PLD5: variants seen among roughly 807,000 people sequenced by gnomAD.
PLD5 encodes phospholipase D family member 5.
A neutral mutation model predicts 61.1 loss-of-function variants in PLD5; 36 were observed. The observed-to-expected ratio is 0.59, with a 90% CI of 0.45 to 0.78. The LOEUF (loss-of-function observed/expected upper bound fraction) is 0.78. PLD5 is among the 30% of genes least tolerant of loss of function. The pLI is 0.00. For synonymous variants in PLD5, 243 were observed against 242.8 expected, an observed-to-expected ratio of 1.00 and a Z score of -0.01; for missense variants, 515 against 644.4, an observed-to-expected ratio of 0.80 and a Z score of 2.17.
At chr1:242,181,337 A>C (rs1667503492) in intron 5 of PLD5, among the ~76,000 whole-genome samples, 1 of 152,196 alleles carries the variant, frequency 6.6e-6, no homozygotes, top group East Asian at 1.9e-4. Context: ...GAACACTTAA[A>C]ATGTGGCTAG....
chr1:242,516,275 T>C (rs1048637029), intron 1 of PLD5, among the ~76,000 whole-genome samples: 3 of 66,594 alleles, frequency 4.5e-5, no homozygotes, highest in South Asian at 7.6e-4. Flanking sequence ...TATATATATA[T>C]ATATACATAT....
intron 1 of PLD5, among the ~76,000 whole-genome samples, chr1:242,441,845 T>C (rs1056661940): frequency 2.8e-4 from 42 of 152,182 alleles, no homozygotes; most frequent in African/African-American, 7.7e-4. Context: ...TATATCTCAA[T>C]GTGGAAGACC....
intron 1 of PLD5, among the ~76,000 whole-genome samples, chr1:242,379,766 G>A (rs1180640696): frequency 2.0e-5 from 3 of 152,018 alleles, no homozygotes; most frequent in African/African-American, 4.8e-5. Flanking sequence ...GAGAGTATAC[G>A]TCCCAATCCA....
At chr1:242,404,874 A>ACTTTTTTTTTTTTTTT (rs1664138985) in intron 1 of PLD5, among the ~76,000 whole-genome samples, 1 of 70,032 alleles carries the variant, frequency 1.4e-5, no homozygotes, top group Admixed American at 1.6e-4. Context: ...GTTCCCTGCT[A>ACTTTTTTTTTTTTTTT]ATTTTTTTTT....
At chr1:242,246,478 A>AACACACAC (rs34723926) in intron 4 of PLD5, among the ~76,000 whole-genome samples, 7,553 of 141,124 alleles carry the variant, frequency 0.054, 241 homozygotes, top group African/African-American at 0.066. Context: ...TAGAAAAGAC[A>AACACACAC]ACACACACAC....
chr1:242,524,079 C>T lies in PLD5; in HGVS notation c.189+9G>A, dbSNP rs1669365538. ...CTGGCCGAGGCCCCCGGGAGCGAGT[C>T]GCCCTTACGTGCTCCAGCTTGTCTT... On this transcript the variant is annotated intron_variant, in intron 1 of 9. Transcript: ENST00000536534. The T allele has an allele frequency of 6.5e-7, 1 of 1,531,250 alleles. No individual in the cohort carries two copies. Among genetic ancestry groups the T allele is most frequent in the Non-Finnish European group, 8.7e-7 (1 of 1,144,528 alleles). The allele number at this position is 1,531,250 out of a possible 1,614,324, so 94.9% of individuals were successfully genotyped here.
At chr1:242,096,314 T>C (rs893188924) in intron 9 of PLD5, among the ~76,000 whole-genome samples, 1 of 151,028 alleles carries the variant, frequency 6.6e-6, no homozygotes, top group Non-Finnish European at 1.5e-5. Context: ...GATCGAAAGA[T>C]CGATCTCTCT....
Position 242,256,606 on chromosome 1 carries a change from G to C in PLD5, c.607+8731C>G, listed in dbSNP as rs1262349571. On this transcript the variant is annotated intron_variant, in intron 4 of 9. Coordinates refer to ENST00000536534, the MANE Select transcript of PLD5 (RefSeq NM_001372062.1). This position sits in a 1 kb window ranked among gnomAD's most constrained non-coding sequence, Gnocchi z 5.7. Reference sequence around the variant, plus strand: ...AACAAGGCGCCATCTTGGAAGCACAGAGCAGCTCTCAGCAGACACTGAACC... The same window carrying C: ...AACAAGGCGCCATCTTGGAAGCACACAGCAGCTCTCAGCAGACACTGAACC... 6.6e-6 allele frequency among the ~76,000 whole-genome samples: 1 copy of C among 152,180 alleles called. No individual in the cohort carries two copies. Among genetic ancestry groups the C allele is most frequent in the Admixed American group, 6.5e-5 (1 of 15,282 alleles).
chr1:242,227,385 CAG>C (rs1241291174), intron 4 of PLD5, among the ~76,000 whole-genome samples: 1 of 151,984 alleles, frequency 6.6e-6, no homozygotes, highest in African/African-American at 2.4e-5. Flanking sequence ...GTTTTGGAGA[CAG>C]AGTGTCTCGC....
intron 5 of PLD5, among the ~76,000 whole-genome samples, chr1:242,144,221 G>A (rs1046640859): frequency 8.1e-6 from 1 of 122,752 alleles, no homozygotes; most frequent in Non-Finnish European, 1.8e-5. Flanking sequence ...ATTTCTGCAG[G>A]CTGGGAGCCA....
chr1:242,397,784 CTT>C (rs749006053), intron 1 of PLD5, among the ~76,000 whole-genome samples: 9 of 74,564 alleles, frequency 1.2e-4, no homozygotes, highest in African/African-American at 7.5e-5. Flanking sequence ...TCTTCTTCTT[CTT>C]TTTTTTTTTT....
intron 4 of PLD5, among the ~76,000 whole-genome samples, chr1:242,248,758 A>T (rs12726773): frequency 6.6e-6 from 1 of 151,992 alleles, no homozygotes; most frequent in East Asian, 1.9e-4. Context: ...GAGGAACCAT[A>T]ATTTATCAGT....
At position 242,372,408 on chromosome 1, in the gene PLD5, C is replaced by T. The variant is rs573811296; in HGVS notation, c.190-24166G>A. On this transcript the variant is annotated intron_variant, in intron 1 of 9. Coordinates refer to ENST00000536534, the MANE Select transcript of PLD5 (RefSeq NM_001372062.1). ...ATTCAATGCCATCCCCATCAAGCTA[C>T]CAATGACTTTCTTCACAGAATTGGA... Among the ~76,000 whole-genome samples the T allele has an allele frequency of 3.2e-3, 480 of 152,182 alleles. 1 individual carries two copies. Among genetic ancestry groups the T allele is most frequent in the Non-Finnish European group, 4.9e-3 (335 of 68,012 alleles).
Position 242,089,196 on chromosome 1 carries a change from A to G in PLD5, c.*658T>C, listed in dbSNP as rs937205215. The stretch of plus-strand genomic sequence containing the variant: ...TGAAAAATTTGTATGTTTTCAAAAG[A>G]TGTTATCATAGTTAGAAGTAATGTT... On this transcript the variant is annotated 3_prime_UTR_variant, in exon 10 of 10. Transcript: ENST00000536534. The G allele has an allele frequency of 7.6e-5, 30 of 397,230 alleles. No homozygotes were observed. The highest frequency in any genetic ancestry group is 1.2e-4 in the Non-Finnish European group (28 of 225,468). The allele number at this position is 397,230 out of a possible 1,614,324, so 24.6% of individuals were successfully genotyped here.
chr1:242,283,683 G>A (rs533007996), intron 3 of PLD5, among the ~76,000 whole-genome samples: 32 of 152,246 alleles, frequency 2.1e-4, no homozygotes, highest in Non-Finnish European at 4.4e-4. Context: ...AGTAATCAGG[G>A]TGTGAACTAT....
At chr1:242,379,130 T>C (rs985935543) in intron 1 of PLD5, among the ~76,000 whole-genome samples, 1 of 152,190 alleles carries the variant, frequency 6.6e-6, no homozygotes, top group African/African-American at 2.4e-5. Context: ...TGTCCAGCAG[T>C]GGCAGACATG....
chr1:242,090,925 A>T (rs964515931), intron 9 of PLD5, among the ~76,000 whole-genome samples: 1 of 151,584 alleles, frequency 6.6e-6, no homozygotes, highest in Admixed American at 6.6e-5. Context: ...TCCTTTTTTT[A>T]ATTTTTAAAT....
intron 5 of PLD5, among the ~76,000 whole-genome samples, chr1:242,218,287 G>A (rs567171318): frequency 3.3e-5 from 5 of 152,302 alleles, no homozygotes; most frequent in Admixed American, 1.3e-4. Flanking sequence ...ATTAAGGTAT[G>A]CACATTTGTT....
chr1:242,251,735 G>A (rs866075208), intron 4 of PLD5, among the ~76,000 whole-genome samples: 2 of 152,208 alleles, frequency 1.3e-5, no homozygotes, highest in African/African-American at 2.4e-5. Flanking sequence ...ACATTAAGGG[G>A]AGAGAGCCAT....
Sources: gnomAD v4.1 joint callset for allele counts (sites outside exome capture counted in the v4.1 genomes callset) on GRCh38, gnomAD v4.1.1 for gene constraint, Gnocchi (gnomAD v3.1) non-coding constraint, MANE v1.5 for transcripts, NCBI Gene and HGNC (gene_info 2026-07-23, HGNC 2026-07-21) for gene names.